Variants in DLGAP1 observed in about 807,000 individuals in gnomAD.
DLGAP1 encodes the protein DLG associated protein 1.
Under a neutral mutation model 90.8 loss-of-function variants are expected in DLGAP1, and 11 were observed. The ratio of observed to expected loss-of-function variants is 0.12; its 90% CI spans 0.08 to 0.20. DLGAP1 has a LOEUF of 0.20. DLGAP1 is among the 10% of genes least tolerant of loss of function. DLGAP1 has a pLI of 1.00. For missense variants in DLGAP1, 1,050 were observed against 1,333.8 expected (o/e 0.79, Z 3.31); for synonymous variants, 558 against 540.7 (o/e 1.03, Z -0.44).
chr18:4,077,295 C>T (rs1489460746), intron 2 of DLGAP1, among the ~76,000 whole-genome samples: 1 of 152,158 alleles, frequency 6.6e-6, no homozygotes, highest in Admixed American at 6.5e-5. Flanking sequence ...TTTTCACTTT[C>T]ATGTTTAACT....
At chr18:3,975,434 T>C (rs1374340289) in intron 3 of DLGAP1, among the ~76,000 whole-genome samples, 1 of 152,118 alleles carries the variant, frequency 6.6e-6, no homozygotes, top group African/African-American at 2.4e-5. Flanking sequence ...TGGTTATTAT[T>C]GAAAGAAACA....
At chr18:3,646,815 C>T (rs1020730202) in intron 7 of DLGAP1, among the ~76,000 whole-genome samples, 3 of 152,004 alleles carry the variant, frequency 2.0e-5, no homozygotes, top group Non-Finnish European at 4.4e-5. Flanking sequence ...GTCCCAGCTA[C>T]TCGGGAGGCT....
At chr18:3,965,940 C>CAAAAAAAAAA (rs544643910) in intron 3 of DLGAP1, among the ~76,000 whole-genome samples, 4 of 100,542 alleles carry the variant, frequency 4.0e-5, no homozygotes, top group Non-Finnish European at 5.7e-5. Context: ...GACTCCATGT[C>CAAAAAAAAAA]AAAAAAAAAA....
In DLGAP1 at chr18:4,383,133, T is replaced by C. The variant is rs906409650; in HGVS notation, c.-267+71873A>G. ...GAGGTTAATTACCTTCACTCCTTTTTACAAAAGCTAAATGTCCTAAGAATT... is the reference window on the plus strand; with the variant it reads ...GAGGTTAATTACCTTCACTCCTTTTCACAAAAGCTAAATGTCCTAAGAATT... On this transcript the variant is annotated intron_variant, in intron 1 of 12. Coordinates refer to ENST00000315677, the MANE Select transcript of DLGAP1 (RefSeq NM_004746.4). The surrounding 1 kb of genome is among the most constrained non-coding windows in gnomAD (Gnocchi z 4.0). Among the ~76,000 whole-genome samples, 1 of 152,138 alleles carries C rather than the reference T, an allele frequency of 6.6e-6. No homozygotes were observed. The highest frequency in any genetic ancestry group is 2.4e-5 in the African/African-American group (1 of 41,408).
intron 1 of DLGAP1, chr18:4,294,528 G>C (rs1338134032): frequency 6.6e-6 from 1 of 152,318 alleles, no homozygotes; most frequent in Non-Finnish European, 1.5e-5. Flanking sequence ...ATGCAGATGA[G>C]CAGGTGCAGG....
At chr18:3,676,167 C>T (rs569629521) in intron 7 of DLGAP1, among the ~76,000 whole-genome samples, 4 of 152,308 alleles carry the variant, frequency 2.6e-5, no homozygotes, top group African/African-American at 9.6e-5. Flanking sequence ...CTCTGCCAGC[C>T]GCGTGTACAG....
At chr18:4,344,672 C>G (rs2081270043) in intron 1 of DLGAP1, among the ~76,000 whole-genome samples, 1 of 152,166 alleles carries the variant, frequency 6.6e-6, no homozygotes, top group Non-Finnish European at 1.5e-5. Flanking sequence ...ATTAAGCACT[C>G]TTTAAATTAG....
chr18:3,734,168 T>A lies in DLGAP1; in HGVS notation c.1351-4793A>T, dbSNP rs548735377. On this transcript the variant is annotated intron_variant, in intron 6 of 12. Coordinates refer to ENST00000315677, the MANE Select transcript of DLGAP1 (RefSeq NM_004746.4). Reference sequence around the variant, plus strand: ...TTTTCTTCTGAAGGGACTTCTATTATCTGTATGTCTAATCTTTTTTGTCTG... The same window carrying A: ...TTTTCTTCTGAAGGGACTTCTATTAACTGTATGTCTAATCTTTTTTGTCTG... 3.9e-5 allele frequency among the ~76,000 whole-genome samples: 6 copies of A among 152,300 alleles called. No individual in the cohort carries two copies. In the East Asian group the frequency reaches 1.2e-3, roughly 29 times the overall value.
chr18:3,807,421 AC>A (rs1274430541), intron 5 of DLGAP1, among the ~76,000 whole-genome samples: 1 of 152,190 alleles, frequency 6.6e-6, no homozygotes, highest in Admixed American at 6.5e-5. Flanking sequence ...TTGATAGGTA[AC>A]CTTAAAAAAG....
At chr18:4,129,140 C>T (rs368799764) in intron 2 of DLGAP1, among the ~76,000 whole-genome samples, 10 of 151,960 alleles carry the variant, frequency 6.6e-5, no homozygotes, top group South Asian at 6.3e-4. Context: ...GAGGGGCTAC[C>T]GAAATGTGAC....
intron 3 of DLGAP1, among the ~76,000 whole-genome samples, chr18:3,988,853 C>G (rs1258038014): frequency 6.6e-6 from 1 of 152,180 alleles, no homozygotes; most frequent in East Asian, 1.9e-4. Context: ...AATGCCAGTC[C>G]GCGGCTGTGG....
At chr18:3,852,910 T>C (rs905634664) in intron 4 of DLGAP1, among the ~76,000 whole-genome samples, 2 of 152,046 alleles carry the variant, frequency 1.3e-5, no homozygotes, top group African/African-American at 2.4e-5. Flanking sequence ...TTATTAAGAA[T>C]TTTTATGTCA....
intron 2 of DLGAP1, among the ~76,000 whole-genome samples, chr18:4,010,622 C>T (rs1433329753): frequency 6.6e-6 from 1 of 152,124 alleles, no homozygotes; most frequent in African/African-American, 2.4e-5. Flanking sequence ...GCATAGGAAT[C>T]ATACAACTGT....
At chr18:4,167,449 A>G (rs1045176585) in intron 1 of DLGAP1, among the ~76,000 whole-genome samples, 5 of 152,216 alleles carry the variant, frequency 3.3e-5, no homozygotes, top group Admixed American at 6.5e-5. Context: ...CTAGAAAGAT[A>G]TAACCCCTGA....
At chr18:3,761,803 T>G (rs1239291264) in intron 5 of DLGAP1, among the ~76,000 whole-genome samples, 5 of 152,212 alleles carry the variant, frequency 3.3e-5, no homozygotes, top group African/African-American at 7.2e-5. Context: ...CCCAAACTCC[T>G]GACCCTGTGA....
rs141373511 is a variant in DLGAP1, at chr18:4,151,713, A to G, written c.-266-426T>C. Among the ~76,000 whole-genome samples, 32 of 152,208 alleles carry G rather than the reference A, an allele frequency of 2.1e-4. 1 individual carries two copies. The East Asian group carries it at 5.6e-3, about 27-fold the overall frequency. On this transcript the variant is annotated intron_variant, in intron 1 of 12. Coordinates refer to ENST00000315677, the MANE Select transcript of DLGAP1 (RefSeq NM_004746.4). ...ACTTTAAAAAGGGCTAAAATGTATC[A>G]TTTTTTTCCAGAGTGGTTCTTTTCA... is the stretch of plus-strand genomic sequence containing the variant.
chr18:4,287,905 AG>A (rs1220036958), intron 1 of DLGAP1, among the ~76,000 whole-genome samples: 1 of 151,960 alleles, frequency 6.6e-6, no homozygotes, highest in South Asian at 2.1e-4. Flanking sequence ...AGAAAAAAAA[AG>A]AGCGGGTACC....
At chr18:3,664,232 A>C (rs1598257972) in intron 7 of DLGAP1, among the ~76,000 whole-genome samples, 2 of 150,684 alleles carry the variant, frequency 1.3e-5, no homozygotes, top group Admixed American at 1.3e-4. Flanking sequence ...ACACACACAC[A>C]CACACGGATA....
At chr18:3,965,440 C>T (rs777073998) in intron 3 of DLGAP1, among the ~76,000 whole-genome samples, 8 of 152,102 alleles carry the variant, frequency 5.3e-5, no homozygotes, top group Non-Finnish European at 1.0e-4. Context: ...GAAATTTTGG[C>T]TTTTGGGATT....
Sources: allele counts gnomAD v4.1 joint callset (sites outside exome capture counted in the v4.1 genomes callset), GRCh38; gene constraint gnomAD v4.1.1; non-coding constraint Gnocchi (gnomAD v3.1); transcripts MANE v1.5; gene names NCBI Gene and HGNC (gene_info 2026-07-23, HGNC 2026-07-21).